Variants in FARP2 observed in about 807,000 individuals in gnomAD.
The protein encoded by FARP2 is FERM, ARH/RhoGEF and pleckstrin domain protein 2, also known as FERM, ARHGEF and pleckstrin domain-containing protein 2.
FARP2 carries 111 observed loss-of-function variants against 130.5 expected under a neutral mutation model. That is an observed-to-expected ratio of 0.85 (90% CI 0.73 to 1.00). The LOEUF (loss-of-function observed/expected upper bound fraction) is 1.00. Ranked by LOEUF, FARP2 falls within the 50% of genes least tolerant of loss-of-function variation. The pLI, the probability that FARP2 is intolerant of heterozygous loss-of-function variation, is 0.00. For missense variants in FARP2, 1,385 were observed against 1,346.3 expected, an observed-to-expected ratio of 1.03 and a Z score of -0.45; for synonymous variants, 504 against 516.9, an observed-to-expected ratio of 0.98 and a Z score of 0.34.
Position 241,463,335 on chromosome 2 carries a change from T to C in FARP2, c.1678T>C (p.Trp560Arg). 1 of 1,613,816 alleles carries C rather than the reference T, an allele frequency of 6.2e-7. No individual in the cohort carries two copies. Among genetic ancestry groups the C allele is most frequent in the Non-Finnish European group, 8.5e-7 (1 of 1,179,846 alleles). The change falls in exon 16 of 27, where the codon TGG becomes CGG. Residue 560 changes from tryptophan to arginine, a missense_variant and splice_region_variant. Transcript: ENST00000264042. ...YLKDLEVITVWFRSAVVKEDA... is the reference protein window; with the variant it reads ...YLKDLEVITVRFRSAVVKEDA... ...CCATCACACCACACTCTTCCCACAG[T>C]GGTTCCGCAGCGCAGTGGTGAAGGA...
intron 2 of FARP2, among the ~76,000 whole-genome samples, chr2:241,389,546 G>T (rs1191902316): frequency 6.6e-6 from 1 of 152,176 alleles, no homozygotes; most frequent in African/African-American, 2.4e-5. Flanking sequence ...ATAGCAGCCT[G>T]AACCAACTAA....
At chr2:241,441,671 G>C (rs1307814014) in intron 13 of FARP2, 115 bp downstream of exon 13, 2 of 1,436,172 alleles carry the variant, frequency 1.4e-6, no homozygotes, top group African/African-American at 1.4e-5. Flanking sequence ...AGCGCTGCTT[G>C]TAAAAATGAC....
In FARP2 at chr2:241,402,836, TTATATATATATATATA is replaced by T. The variant is rs1215612816; in HGVS notation, c.184-962_184-947del. On this transcript the variant is annotated intron_variant, in intron 2 of 26. Coordinates refer to ENST00000264042, the MANE Select transcript of FARP2 (RefSeq NM_014808.4). ...GTGCACGCCACTACACCCAGCTAATTTATATATATATATATATATATATATATATATATATATATAT... is the reference window on the plus strand; with the variant it reads ...GTGCACGCCACTACACCCAGCTAATTTATATATATATATATATATATATAT... Among the ~76,000 whole-genome samples the T allele has an allele frequency of 1.8e-3, 31 of 16,832 alleles. 1 individual carries two copies. Among genetic ancestry groups the T allele is most frequent in the African/African-American group, 5.2e-3 (22 of 4,216 alleles). 11.0% of individuals were successfully genotyped at this position (16,832 alleles called of 152,430 possible). A position where few individuals can be genotyped will look rare whatever the true frequency, so the allele number is the denominator to read the frequency against.
chr2:241,487,872 T>C (rs1287138701), intron 21 of FARP2, among the ~76,000 whole-genome samples: 1 of 146,390 alleles, frequency 6.8e-6, no homozygotes, highest in Non-Finnish European at 1.5e-5. Context: ...CTCAGCTTCC[T>C]GAGTAGCTGG....
chr2:241,466,565 G>T, intron 17 of FARP2: 2 of 985,238 alleles, frequency 2.0e-6, no homozygotes, highest in Middle Eastern at 1.0e-3. Context: ...TCCACCTCCC[G>T]CTAGAAGCCT....
At chr2:241,377,772 C>G (rs2061572896) in intron 2 of FARP2, among the ~76,000 whole-genome samples, 1 of 151,604 alleles carries the variant, frequency 6.6e-6, no homozygotes, top group Non-Finnish European at 1.5e-5. Context: ...TACTTTTTAT[C>G]ATTTTGGTGG....
intron 21 of FARP2, among the ~76,000 whole-genome samples, chr2:241,485,003 G>A (rs964037940): frequency 6.6e-6 from 1 of 152,086 alleles, no homozygotes; most frequent in African/African-American, 2.4e-5. Flanking sequence ...GGGCCTGCCA[G>A]GGCGCCAAGG....
intron 13 of FARP2, among the ~76,000 whole-genome samples, chr2:241,451,675 ATTAT>A (rs1162837214): frequency 2.6e-5 from 4 of 151,880 alleles, no homozygotes; most frequent in Non-Finnish European, 5.9e-5. Context: ...CCTAAGATTA[ATTAT>A]TTACCATGTC....
At chr2:241,400,107 G>A (rs1265477099) in intron 2 of FARP2, among the ~76,000 whole-genome samples, 1 of 152,220 alleles carries the variant, frequency 6.6e-6, no homozygotes, top group African/African-American at 2.4e-5. Context: ...CTTCATTAGT[G>A]TAGTCAGGCA....
intron 2 of FARP2, among the ~76,000 whole-genome samples, chr2:241,393,392 GA>G (rs1276576402): frequency 6.6e-6 from 1 of 152,118 alleles, no homozygotes; most frequent in Non-Finnish European, 1.5e-5. Context: ...GAGAACCCAA[GA>G]TTTGAAAATG....
At chr2:241,493,825 G>A (rs1271888998) in intron 26 of FARP2, 183 bp from the exon 27 acceptor site, 3 of 531,556 alleles carry the variant, frequency 5.6e-6, no homozygotes, top group Non-Finnish European at 1.0e-5. Context: ...TCGAACTCCT[G>A]ACCTCAAGTG....
At chr2:241,437,255 C>G (rs930975964) in intron 12 of FARP2, among the ~76,000 whole-genome samples, 1 of 152,126 alleles carries the variant, frequency 6.6e-6, no homozygotes, top group African/African-American at 2.4e-5. Flanking sequence ...GCAACTATAT[C>G]AAAACAAAGA....
chr2:241,459,171 C>T lies in FARP2; in HGVS notation c.1587+2249C>T, dbSNP rs895528370. ...CAAGGATGGCCCTTTCATCACCATGCAGGGGCTGCTGGTTTGACCCAGAGG... is the reference window on the plus strand; with the variant it reads ...CAAGGATGGCCCTTTCATCACCATGTAGGGGCTGCTGGTTTGACCCAGAGG... On this transcript the variant is annotated intron_variant, in intron 14 of 26. Coordinates refer to ENST00000264042, the MANE Select transcript of FARP2 (RefSeq NM_014808.4). The surrounding 1 kb of genome is among the most constrained non-coding windows in gnomAD (Gnocchi z 5.3). Among the ~76,000 whole-genome samples, 2 of 152,248 alleles carry T rather than the reference C, an allele frequency of 1.3e-5. No individual in the cohort carries two copies. The highest frequency in any genetic ancestry group is 4.8e-5 in the African/African-American group (2 of 41,472).
intron 2 of FARP2, among the ~76,000 whole-genome samples, chr2:241,383,813 G>C (rs752635246): frequency 8.5e-5 from 13 of 152,226 alleles, no homozygotes; most frequent in Admixed American, 2.6e-4. Context: ...CTGCACTAGG[G>C]AGCCCATGGG....
At chr2:241,387,790 CAAAAAAAAA>C (rs200728771) in intron 2 of FARP2, among the ~76,000 whole-genome samples, 2 of 93,912 alleles carry the variant, frequency 2.1e-5, no homozygotes, top group East Asian at 5.6e-4. Context: ...GAGACTGTCT[CAAAAAAAAA>C]AAAAAAAAAA....
chr2:241,453,247 A>G (rs1003628911), intron 13 of FARP2, among the ~76,000 whole-genome samples: 10 of 151,582 alleles, frequency 6.6e-5, no homozygotes, highest in African/African-American at 1.9e-4. Context: ...CAAGAATGGC[A>G]TGAACCCAGG....
rs2064675930 is a variant in FARP2 at position 241,483,494 on chromosome 2, G to A, written c.2292G>A (p.Lys764=). 1 of 1,614,106 alleles carries A rather than the reference G, an allele frequency of 6.2e-7. No individual in the cohort carries two copies. Among genetic ancestry groups the A allele is most frequent in the African/African-American group, 1.3e-5 (1 of 74,954 alleles). The part of the protein sequence containing the change: ...REFIREGCLH[K]LTKKGLQQRM... ...TCATCCGTGAGGGCTGCCTTCACAA[G>A]CTCACCAAGAAGGGCCTGCAGCAGA... The change falls in exon 20 of 27, where the codon AAG becomes AAA. Residue 764 remains lysine, a synonymous_variant. Transcript: ENST00000264042.
intron 2 of FARP2, among the ~76,000 whole-genome samples, chr2:241,378,416 ATT>A (rs10692211): frequency 3.7e-5 from 4 of 107,676 alleles, no homozygotes; most frequent in African/African-American, 1.1e-4. Flanking sequence ...TGCCTGGCCT[ATT>A]TTTTTTTTTT....
At chr2:241,363,216 C>A (rs2061229648) in intron 1 of FARP2, among the ~76,000 whole-genome samples, 1 of 152,224 alleles carries the variant, frequency 6.6e-6, no homozygotes, top group South Asian at 2.1e-4. Context: ...TGTAGTTGGG[C>A]CCCAAGACAG....
Sources: allele counts gnomAD v4.1 joint callset (sites outside exome capture counted in the v4.1 genomes callset), GRCh38; gene constraint gnomAD v4.1.1; non-coding constraint Gnocchi (gnomAD v3.1); transcripts MANE v1.5; gene names NCBI Gene and HGNC (gene_info 2026-07-23, HGNC 2026-07-21).